C9: variants seen among roughly 807,000 people sequenced by gnomAD.
The protein encoded by C9 is complement component C9.
In C9, 63 loss-of-function variants were observed where a neutral mutation model predicts 65.4. That is an observed-to-expected ratio of 0.96 (90% CI 0.79 to 1.19). The LOEUF is 1.19. Ranked by LOEUF, C9 falls within the 50% of genes most tolerant of loss-of-function variation. The pLI, the probability that C9 is intolerant of heterozygous loss-of-function variation, is 0.00. For synonymous variants in C9, 229 were observed against 227.9 expected (o/e 1.00, Z -0.04); for missense variants, 744 against 670.1 (o/e 1.11, Z -1.22).
intron 9 of C9, among the ~76,000 whole-genome samples, chr5:39,289,327 C>T (rs1334712751): frequency 1.3e-5 from 2 of 151,754 alleles, no homozygotes; most frequent in Admixed American, 6.6e-5. Context: ...CTGCCTTCTT[C>T]CTTCTCTTCC....
chr5:39,350,117 T>C (rs1207678236), intron 1 of C9, among the ~76,000 whole-genome samples: 1 of 152,154 alleles, frequency 6.6e-6, no homozygotes, highest in East Asian at 1.9e-4. Context: ...CTTACAATCA[T>C]GTCAGAAGGG....
intron 5 of C9, among the ~76,000 whole-genome samples, chr5:39,327,395 G>T (rs1203530673): frequency 6.6e-6 from 1 of 152,212 alleles, no homozygotes; most frequent in African/African-American, 2.4e-5. Flanking sequence ...TAAGGCAGTG[G>T]CAGTGGGAAT....
chr5:39,353,244 C>T (rs1204792156), intron 1 of C9, among the ~76,000 whole-genome samples: 1 of 152,132 alleles, frequency 6.6e-6, no homozygotes, highest in Admixed American at 6.5e-5. Context: ...TGATTTTAGC[C>T]TAGTGAAACC....
chr5:39,343,746 C>T (rs1015063133), intron 1 of C9, among the ~76,000 whole-genome samples: 5 of 152,306 alleles, frequency 3.3e-5, no homozygotes, highest in Non-Finnish European at 4.4e-5. Context: ...ACCCTGATCC[C>T]CAAGTAGCCT....
At chr5:39,318,444 A>G (rs889410223) in intron 5 of C9, among the ~76,000 whole-genome samples, 3 of 152,188 alleles carry the variant, frequency 2.0e-5, no homozygotes, top group Admixed American at 6.5e-5. Flanking sequence ...CTGGTTTTCA[A>G]GGAGAATGCT....
At chr5:39,327,980 A>G (rs1374144501) in intron 5 of C9, among the ~76,000 whole-genome samples, 1 of 152,182 alleles carries the variant, frequency 6.6e-6, no homozygotes, top group Non-Finnish European at 1.5e-5. Flanking sequence ...CAACATGGGT[A>G]TATAGAGATG....
Position 39,306,620 on chromosome 5 carries a change from T to C in C9, c.1413A>G (p.Gln471=). The C allele has an allele frequency of 6.2e-7, 1 of 1,611,522 alleles. No homozygotes were observed. The highest frequency in any genetic ancestry group is 8.5e-7 in the Non-Finnish European group (1 of 1,177,690). ...SINDAPVLIS[Q]KLSPIYNLVP... is the part of the protein sequence containing the mutation. ...TGAAAATAAACACGTTTCTTACTTT[T>C]TGACTAATGAGAACAGGAGCATCAT... Residue 471 remains glutamine (Q), a synonymous_variant, in exon 9 of 11, where the codon CAA becomes CAG. Coordinates refer to ENST00000263408, the MANE Select transcript of C9 (RefSeq NM_001737.5).
chr5:39,314,238 T>G (rs990106112), intron 6 of C9, among the ~76,000 whole-genome samples: 58 of 151,864 alleles, frequency 3.8e-4, no homozygotes, highest in African/African-American at 1.4e-3. Flanking sequence ...TCACCTGAGG[T>G]TGGTAGTTCG....
At chr5:39,359,100 G>A (rs58481605) in intron 1 of C9, among the ~76,000 whole-genome samples, 22,476 of 87,100 alleles carry the variant, frequency 0.26, 2,286 homozygotes, top group Non-Finnish European at 0.29. Context: ...GTGTGTGTGT[G>A]TGTATATATA....
At chr5:39,329,324 T>G (rs935667985) in intron 5 of C9, among the ~76,000 whole-genome samples, 2 of 152,226 alleles carry the variant, frequency 1.3e-5, no homozygotes, top group African/African-American at 4.8e-5. Context: ...TAATAGCTAA[T>G]ATTTACTGAG....
intron 1 of C9, among the ~76,000 whole-genome samples, chr5:39,354,267 A>G (rs567686356): frequency 1.3e-5 from 2 of 152,350 alleles, no homozygotes; most frequent in East Asian, 3.9e-4. Context: ...CCACATCAAG[A>G]GGCAATAGCA....
rs556569303 is a variant in C9, at chr5:39,285,774, G to C, written c.1646-541C>G. Among the ~76,000 whole-genome samples the C allele has an allele frequency of 2.1e-4, 32 of 151,592 alleles. 1 individual carries two copies. The highest frequency in any genetic ancestry group is 5.9e-4 in the Admixed American group (9 of 15,220). On this transcript the variant is annotated intron_variant, in intron 10 of 10. Coordinates refer to ENST00000263408, the MANE Select transcript of C9 (RefSeq NM_001737.5). ...AACCTGGTTGAGAGCCATTGGTCTAGGAGTAGAAACGCACACAAGGAATAA... is the reference window on the plus strand; with the variant it reads ...AACCTGGTTGAGAGCCATTGGTCTACGAGTAGAAACGCACACAAGGAATAA...
chr5:39,348,392 T>C (rs1308389585), intron 1 of C9, among the ~76,000 whole-genome samples: 1 of 152,172 alleles, frequency 6.6e-6, no homozygotes, highest in Non-Finnish European at 1.5e-5. Context: ...AAAGAAGACA[T>C]TTATGCAACC....
At chr5:39,289,609 T>G (rs1372602333) in intron 9 of C9, among the ~76,000 whole-genome samples, 6 of 151,802 alleles carry the variant, frequency 4.0e-5, no homozygotes, top group African/African-American at 1.2e-4. Flanking sequence ...GCAGCTATTT[T>G]GGGAGATAGA....
At chr5:39,316,582 G>A (rs181770971) in intron 5 of C9, among the ~76,000 whole-genome samples, 41 of 152,278 alleles carry the variant, frequency 2.7e-4, no homozygotes, top group African/African-American at 9.4e-4. Flanking sequence ...CCACTTACAA[G>A]TGAGAACATG....
intron 1 of C9, 95 bp downstream of exon 1, chr5:39,364,293 G>C: frequency 1.3e-6 from 1 of 755,430 alleles, no homozygotes; most frequent in East Asian, 2.5e-5. Flanking sequence ...TTGCCATGTG[G>C]ATTAACATTG....
intron 4 of C9, 151 bp from the exon 5 acceptor site, chr5:39,331,965 T>C: frequency 1.3e-6 from 1 of 771,096 alleles, no homozygotes. Flanking sequence ...CAAGAGCCTG[T>C]TCACCTTGGC....
rs138645354 is a variant in C9 at position 39,329,686 on chromosome 5, G to A, written c.615+1990C>T. Among the ~76,000 whole-genome samples the A allele has an allele frequency of 4.8e-4, 73 of 152,258 alleles. 1 individual carries two copies. Among genetic ancestry groups the A allele is most frequent in the African/African-American group, 1.5e-3 (63 of 41,550 alleles). ...TTGCCAATAAGTAACTAAGGCAAGAGTTAAAAAATTATTTCATCCAACAAA... is the reference window on the plus strand; with the variant it reads ...TTGCCAATAAGTAACTAAGGCAAGAATTAAAAAATTATTTCATCCAACAAA... On this transcript the variant is annotated intron_variant, in intron 5 of 10. Transcript: ENST00000263408.
chr5:39,326,113 T>C lies in C9; in HGVS notation c.615+5563A>G, dbSNP rs1325724597. The stretch of plus-strand genomic sequence containing the variant: ...ATTTAGTTTGTGATAGGCACTATTC[T>C]AATCACTTCACAGTTATTAACACAT... On this transcript the variant is annotated intron_variant, in intron 5 of 10. Coordinates refer to ENST00000263408, the MANE Select transcript of C9 (RefSeq NM_001737.5). 6.6e-5 allele frequency among the ~76,000 whole-genome samples: 10 copies of C among 152,202 alleles called. No individual in the cohort carries two copies. In the East Asian group the frequency reaches 1.9e-3, roughly 29 times the overall value.
Sources: allele counts gnomAD v4.1 joint callset (sites outside exome capture counted in the v4.1 genomes callset), GRCh38; gene constraint gnomAD v4.1.1; transcripts MANE v1.5; gene names NCBI Gene and HGNC (gene_info 2026-07-23, HGNC 2026-07-21).